Variants in TRIM2 observed in about 807,000 individuals in gnomAD.
TRIM2 encodes tripartite motif-containing protein 2.
TRIM2 carries 20 observed loss-of-function variants against 75.2 expected under a neutral mutation model. The observed-to-expected ratio is 0.27, with a 90% CI of 0.19 to 0.39. TRIM2 has a LOEUF of 0.39. Ranked by LOEUF, TRIM2 falls within the 10% of genes least tolerant of loss-of-function variation. The probability of loss-of-function intolerance (pLI) is 1.00; values close to 1 mark genes in which losing one functional copy is unlikely to be tolerated. For missense variants in TRIM2, 660 were observed against 990.8 expected (o/e 0.67, Z 4.48); for synonymous variants, 373 against 388.3 (o/e 0.96, Z 0.46).
chr4:153,292,332 A>C (rs191921765), intron 3 of TRIM2, among the ~76,000 whole-genome samples: 4 of 152,216 alleles, frequency 2.6e-5, no homozygotes, highest in Non-Finnish European at 5.9e-5. Context: ...TGTTTTTCAC[A>C]ATATATTTAT....
intron 6 of TRIM2, among the ~76,000 whole-genome samples, chr4:153,301,284 C>A (rs1763864855): frequency 6.6e-6 from 1 of 152,076 alleles, no homozygotes; most frequent in Admixed American, 6.5e-5. Context: ...CCCATCTCAA[C>A]CTCTGGAGTA....
chr4:153,228,591 G>A (rs151193781), intron 1 of TRIM2, among the ~76,000 whole-genome samples: 1 of 152,324 alleles, frequency 6.6e-6, no homozygotes, highest in African/African-American at 2.4e-5. Flanking sequence ...ACAGAATATG[G>A]TCTCCAGACT....
At chr4:153,266,117 G>A (rs1232653443) in intron 1 of TRIM2, among the ~76,000 whole-genome samples, 1 of 152,324 alleles carries the variant, frequency 6.6e-6, no homozygotes, top group East Asian at 1.9e-4. Flanking sequence ...CTGTCTGAAT[G>A]TGACACTCTT....
chr4:153,182,607 C>T (rs1194150860), intron 1 of TRIM2, among the ~76,000 whole-genome samples: 1 of 152,210 alleles, frequency 6.6e-6, no homozygotes, highest in Non-Finnish European at 1.5e-5. Flanking sequence ...ACTCAGTATT[C>T]AAACCATAAA....
intron 2 of TRIM2, among the ~76,000 whole-genome samples, chr4:153,274,388 G>A (rs1387454958): frequency 2.0e-5 from 3 of 152,194 alleles, no homozygotes; most frequent in Non-Finnish European, 4.4e-5. Flanking sequence ...CTAGTTTCTG[G>A]TTTGTTTAAA....
chr4:153,172,430 G>A (rs968196861), intron 1 of TRIM2, among the ~76,000 whole-genome samples: 3 of 152,170 alleles, frequency 2.0e-5, no homozygotes, highest in East Asian at 1.9e-4. Context: ...CCCATGATCC[G>A]CCCGCCTTGG....
At chr4:153,276,257 A>T in intron 3 of TRIM2, 127 bp downstream of exon 3, 1 of 782,534 alleles carries the variant, frequency 1.3e-6, no homozygotes, top group Non-Finnish European at 2.1e-6. Flanking sequence ...ATTAAAAAAG[A>T]TTTTTACCAG....
At chr4:153,313,537 A>G (rs1766821557) in intron 6 of TRIM2, among the ~76,000 whole-genome samples, 1 of 151,990 alleles carries the variant, frequency 6.6e-6, no homozygotes, top group African/African-American at 2.4e-5. Flanking sequence ...GTGCTTAAGC[A>G]GGTGTTTTAC....
intron 6 of TRIM2, among the ~76,000 whole-genome samples, chr4:153,301,582 C>A (rs776375296): frequency 1.4e-4 from 22 of 152,122 alleles, no homozygotes; most frequent in Admixed American, 4.6e-4. Flanking sequence ...TGTCATGGAG[C>A]TTTTTCCCTA....
At chr4:153,214,819 C>T (rs1322370491) in intron 1 of TRIM2, among the ~76,000 whole-genome samples, 4 of 152,140 alleles carry the variant, frequency 2.6e-5, no homozygotes, top group Non-Finnish European at 5.9e-5. Flanking sequence ...GACAAGCATA[C>T]TAGGTGTTTT....
intron 1 of TRIM2, among the ~76,000 whole-genome samples, chr4:153,197,235 A>G (rs1254827082): frequency 6.6e-6 from 1 of 152,164 alleles, no homozygotes; most frequent in Non-Finnish European, 1.5e-5. Flanking sequence ...AGAACTTTTC[A>G]CCTCCTTAAT....
intron 1 of TRIM2, 54 bp downstream of exon 1, chr4:153,204,614 C>T: frequency 6.5e-7 from 1 of 1,549,720 alleles, no homozygotes; most frequent in East Asian, 2.4e-5. Flanking sequence ...GCTGGTTAAT[C>T]CGGGGCTGGG....
chr4:153,188,327 G>A (rs2149653028), intron 1 of TRIM2, among the ~76,000 whole-genome samples: 1 of 152,272 alleles, frequency 6.6e-6, no homozygotes, highest in South Asian at 2.1e-4. Context: ...GGGCATGGTG[G>A]CGCACACCTG....
chr4:153,252,735 C>T (rs1305578486), intron 1 of TRIM2, among the ~76,000 whole-genome samples: 1 of 152,136 alleles, frequency 6.6e-6, no homozygotes, highest in African/African-American at 2.4e-5. Flanking sequence ...GTCTTGAACT[C>T]CTGACCTTGT....
At chr4:153,273,269 T>TG (rs1375638105) in intron 2 of TRIM2, among the ~76,000 whole-genome samples, 1 of 113,842 alleles carries the variant, frequency 8.8e-6, no homozygotes, top group Non-Finnish European at 1.8e-5. Context: ...TTACAGTCAC[T>TG]CTTTTTTTTT....
chr4:153,201,831 C>T (rs578043751), upstream of TRIM2, among the ~76,000 whole-genome samples: 5 of 152,292 alleles, frequency 3.3e-5, no homozygotes, highest in South Asian at 2.1e-4. Flanking sequence ...GGCTATGTCA[C>T]GGGCGTGTCC....
At chr4:153,317,273 C>T (rs1767865260) in intron 8 of TRIM2, among the ~76,000 whole-genome samples, 1 of 152,066 alleles carries the variant, frequency 6.6e-6, no homozygotes, top group Non-Finnish European at 1.5e-5. Flanking sequence ...ACATTGCCAT[C>T]CCAGCTTATT....
rs1214741980 is a variant in TRIM2, at chr4:153,272,642, A to G, written c.215+2123A>G. ...GTTGGGACCACAGGTGCACACCACC[A>G]TGCCTGACTATAGAGACAGGGTTTC... On this transcript the variant is annotated intron_variant, in intron 2 of 11. Coordinates refer to ENST00000338700, the MANE Select transcript of TRIM2 (RefSeq NM_015271.5). 3.3e-5 allele frequency among the ~76,000 whole-genome samples: 5 copies of G among 151,716 alleles called. No homozygotes were observed. The East Asian group carries it at 9.9e-4, about 30-fold the overall frequency.
chr4:153,338,598 A>C lies in TRIM2; in HGVS notation c.*3632A>C. On this transcript the variant is annotated 3_prime_UTR_variant, in exon 12 of 12. Coordinates refer to ENST00000338700, the MANE Select transcript of TRIM2 (RefSeq NM_015271.5). The stretch of plus-strand genomic sequence containing the variant: ...CCATAAAGGAAACTAAGTGCCCATC[A>C]AAGATTTGTTTGGTATAAATAAAGA... 1.0e-6 allele frequency: 1 copy of C among 985,218 alleles called. No homozygotes were observed. Among genetic ancestry groups the C allele is most frequent in the Non-Finnish European group, 1.2e-6 (1 of 829,402 alleles). The allele number at this position is 985,218 out of a possible 1,614,324, so 61.0% of individuals were successfully genotyped here.
Sources: gnomAD v4.1 joint callset for allele counts (sites outside exome capture counted in the v4.1 genomes callset) on GRCh38, gnomAD v4.1.1 for gene constraint, MANE v1.5 for transcripts, NCBI Gene and HGNC (gene_info 2026-07-23, HGNC 2026-07-21) for gene names.